ARMH1: variants seen among roughly 807,000 people sequenced by gnomAD.
ARMH1 encodes armadillo-like helical domain containing protein 1.
A neutral mutation model predicts 50.2 loss-of-function variants in ARMH1; 34 were observed. That is an observed-to-expected ratio of 0.68 (90% CI 0.51 to 0.90). The LOEUF is 0.90. Ranked by LOEUF, ARMH1 falls within the 40% of genes least tolerant of loss-of-function variation. The pLI is 0.00. For missense variants in ARMH1, 538 were observed against 553.9 expected (o/e 0.97, Z 0.29); for synonymous variants, 221 against 224.2 (o/e 0.99, Z 0.13).
intron 4 of ARMH1, among the ~76,000 whole-genome samples, chr1:44,699,097 A>G (rs1645934299): frequency 1.3e-5 from 2 of 152,154 alleles, no homozygotes; most frequent in Admixed American, 1.3e-4. Flanking sequence ...CCTGGCTAAC[A>G]CGGTGAAACC....
intron 1 of ARMH1, chr1:44,684,782 T>C (rs1645415446): frequency 6.6e-6 from 1 of 152,162 alleles, no homozygotes; most frequent in Admixed American, 6.5e-5. Flanking sequence ...AGGAAGGAAG[T>C]TGGACTCTGT....
At chr1:44,698,315 A>G in intron 4 of ARMH1, 86 bp downstream of exon 4, 2 of 1,219,024 alleles carry the variant, frequency 1.6e-6, no homozygotes, top group Non-Finnish European at 1.1e-6. Context: ...GGAAAAACAC[A>G]TCATGAAACT....
intron 4 of ARMH1, among the ~76,000 whole-genome samples, chr1:44,699,175 T>C (rs1413454011): frequency 1.3e-5 from 2 of 151,046 alleles, no homozygotes; most frequent in Non-Finnish European, 2.9e-5. Context: ...TGGCAGCTAC[T>C]TGGGAGGCTG....
At chr1:44,711,500 T>A (rs1379324856) in intron 6 of ARMH1, among the ~76,000 whole-genome samples, 1 of 152,212 alleles carries the variant, frequency 6.6e-6, no homozygotes, top group Non-Finnish European at 1.5e-5. Flanking sequence ...TCTATTCAGG[T>A]CCTTTTTCCA....
In ARMH1 at chr1:44,682,030, C is replaced by T. The variant is rs1645329722; in HGVS notation, c.-23+7157C>T. 6.6e-6 allele frequency among the ~76,000 whole-genome samples: 1 copy of T among 152,182 alleles called. No homozygotes were observed. Among genetic ancestry groups the T allele is most frequent in the African/African-American group, 2.4e-5 (1 of 41,428 alleles). Reference sequence around the variant, plus strand: ...TCTCTGCCCTGCCAGTCTGTAAGCACCCGAGGGCAAGGTCTATGTTTGTCA... The same window carrying T: ...TCTCTGCCCTGCCAGTCTGTAAGCATCCGAGGGCAAGGTCTATGTTTGTCA... On this transcript the variant is annotated intron_variant, in intron 1 of 11. Coordinates refer to ENST00000535358, the MANE Select transcript of ARMH1 (RefSeq NM_001145636.2). This position sits in a 1 kb window ranked among gnomAD's most constrained non-coding sequence, Gnocchi z 4.5.
chr1:44,700,870 G>A, intron 4 of ARMH1, 53 bp from the exon 5 acceptor site: 1 of 1,436,402 alleles, frequency 7.0e-7, no homozygotes, highest in Non-Finnish European at 9.3e-7. Flanking sequence ...TCTTGAGTGG[G>A]GATTTTTTCA....
intron 6 of ARMH1, chr1:44,723,862 T>G: frequency 2.3e-6 from 1 of 427,922 alleles, no homozygotes; most frequent in Non-Finnish European, 4.2e-6. Context: ...CCCCCCTCTC[T>G]GGGGTCTCAG....
At chr1:44,698,345 T>C (rs1645898796) in intron 4 of ARMH1, 116 bp downstream of exon 4, 1 of 892,460 alleles carries the variant, frequency 1.1e-6, no homozygotes, top group Non-Finnish European at 1.6e-6. Flanking sequence ...GGAAGCTTTT[T>C]GTGCTCCTGT....
intron 1 of ARMH1, 79 bp from the exon 2 acceptor site, chr1:44,689,597 C>T (rs892477138): frequency 1.1e-4 from 116 of 1,097,750 alleles, no homozygotes; most frequent in Admixed American, 4.2e-5. Flanking sequence ...ACCCTGCCTG[C>T]AGTTGATTGC....
In ARMH1 at chr1:44,689,887, A is replaced by G. The variant is rs1214919108; in HGVS notation, c.190A>G (p.Thr64Ala). Residue 64 changes from threonine (T) to alanine (A), a missense_variant, in exon 2 of 12, where the codon ACC becomes GCC. Coordinates refer to ENST00000535358, the MANE Select transcript of ARMH1 (RefSeq NM_001145636.2). Reference sequence around the variant, plus strand: ...CAGTTTGTTCCTGGTACGCTTGACCACCTCGCTTAGAATCACGTATCCTTT... The same window carrying G: ...CAGTTTGTTCCTGGTACGCTTGACCGCCTCGCTTAGAATCACGTATCCTTT... ...GASLFLVRLT[T>A]SLRITYMTDS... 6.5e-7 allele frequency: 1 copy of G among 1,549,880 alleles called. No individual in the cohort carries two copies.
Position 44,724,939 on chromosome 1 carries a change from G to A in ARMH1, c.1128+100G>A. ...CCCATCCTGGAGCGCGCCACATGCA[G>A]AGTGGACCTGGCCACCAGCTGCAGG... On this transcript the variant is annotated intron_variant, in intron 10 of 11. Coordinates refer to ENST00000535358, the MANE Select transcript of ARMH1 (RefSeq NM_001145636.2). This position sits in a 1 kb window ranked among gnomAD's most constrained non-coding sequence, Gnocchi z 6.4. The A allele has an allele frequency of 1.3e-6, 2 of 1,500,642 alleles. No homozygotes were observed. The highest frequency in any genetic ancestry group is 1.8e-6 in the Non-Finnish European group (2 of 1,123,482). 93.0% of individuals were successfully genotyped at this position (1,500,642 alleles called of 1,614,324 possible). A position where few individuals can be genotyped will look rare whatever the true frequency, so the allele number is the denominator to read the frequency against.
chr1:44,718,928 G>T (rs1646963847), intron 6 of ARMH1, among the ~76,000 whole-genome samples: 1 of 147,722 alleles, frequency 6.8e-6, no homozygotes, highest in Non-Finnish European at 1.5e-5. Flanking sequence ...GGGAGGCTGA[G>T]ATAGGAGAAT....
intron 1 of ARMH1, among the ~76,000 whole-genome samples, chr1:44,687,547 G>T (rs575351446): frequency 2.0e-5 from 3 of 152,310 alleles, no homozygotes; most frequent in African/African-American, 7.2e-5. Context: ...AGCAAGAGGT[G>T]AGGCAGGTGC....
intron 6 of ARMH1, chr1:44,721,925 C>T (rs1647294486): frequency 6.6e-6 from 1 of 152,216 alleles, no homozygotes; most frequent in African/African-American, 2.4e-5. Flanking sequence ...TTTTGCCTGG[C>T]TTCCCAGCTA....
rs1163833874 is a variant in ARMH1, at chr1:44,687,545, G to A, written c.-22-2131G>A. On this transcript the variant is annotated intron_variant, in intron 1 of 11. Transcript: ENST00000535358. ...AGGAGAAACTGGAGGGCAGCAAGAG[G>A]TGAGGCAGGTGCTATTACTATTTGA... Among the ~76,000 whole-genome samples, 3 of 152,272 alleles carry A rather than the reference G, an allele frequency of 2.0e-5. No homozygotes were observed. In the South Asian group the frequency reaches 6.2e-4, roughly 32 times the overall value.
At chr1:44,709,014 T>C (rs1416821770) in intron 6 of ARMH1, among the ~76,000 whole-genome samples, 2 of 152,146 alleles carry the variant, frequency 1.3e-5, no homozygotes, top group East Asian at 1.9e-4. Context: ...TTAAAAGACA[T>C]GTACCAAAAA....
rs775050209 is a variant in ARMH1 at position 44,689,705 on chromosome 1, C to G, written c.8C>G (p.Ser3Cys). The G allele has an allele frequency of 2.6e-6, 4 of 1,551,838 alleles. No homozygotes were observed. The African/African-American group carries it at 5.5e-5, about 21-fold the overall frequency. The change falls in exon 2 of 12, where the codon TCT becomes TGT. Residue 3 changes from serine (S) to cysteine (C), a missense_variant. Physicochemically the swap from Ser to Cys is moderately radical, Grantham distance 112. Coordinates refer to ENST00000535358, the MANE Select transcript of ARMH1 (RefSeq NM_001145636.2). Reference sequence around the variant, plus strand: ...CTTCAGGACTGATTGATCATGACTTCTATAAAGGAGCAGGCAGCAATTAGC... The same window carrying G: ...CTTCAGGACTGATTGATCATGACTTGTATAAAGGAGCAGGCAGCAATTAGC... MT[S>C]IKEQAAISRL...
chr1:44,687,594 G>A (rs948008825), intron 1 of ARMH1, among the ~76,000 whole-genome samples: 1 of 152,040 alleles, frequency 6.6e-6, no homozygotes, highest in African/African-American at 2.4e-5. Context: ...AGCAAGTGGC[G>A]GAGCTGAGCC....
At chr1:44,689,442 T>C (rs77076528) in intron 1 of ARMH1, among the ~76,000 whole-genome samples, 7 of 152,098 alleles carry the variant, frequency 4.6e-5, no homozygotes, top group African/African-American at 1.4e-4. Context: ...GAGCTAAAAT[T>C]TTAGTTCTTA....
Sources: allele counts gnomAD v4.1 joint callset (sites outside exome capture counted in the v4.1 genomes callset), GRCh38; gene constraint gnomAD v4.1.1; non-coding constraint Gnocchi (gnomAD v3.1); transcripts MANE v1.5; gene names NCBI Gene and HGNC (gene_info 2026-07-23, HGNC 2026-07-21).